ELAVL1: variants seen among roughly 807,000 people sequenced by gnomAD.
ELAVL1 encodes ELAV like RNA binding protein 1.
In ELAVL1, 1 loss-of-function variant was observed where a neutral mutation model predicts 28.4. The ratio of observed to expected loss-of-function variants is 0.04; its 90% CI spans 0.01 to 0.17. ELAVL1 has a LOEUF of 0.17. ELAVL1 is among the 10% of genes least tolerant of loss of function. The pLI, the probability that ELAVL1 is intolerant of heterozygous loss-of-function variation, is 1.00. For synonymous variants in ELAVL1, 174 were observed against 183.5 expected (o/e 0.95, Z 0.42); for missense variants, 157 against 447.2 (o/e 0.35, Z 5.85).
At chr19:7,983,408 C>A (rs1281897885) in intron 2 of ELAVL1, among the ~76,000 whole-genome samples, 3 of 152,182 alleles carry the variant, frequency 2.0e-5, no homozygotes. Flanking sequence ...CCCTTTGTGA[C>A]ACACTCAGCA....
At chr19:7,967,453 GCT>G in intron 5 of ELAVL1, 110 bp downstream of exon 5, 2 of 1,191,758 alleles carry the variant, frequency 1.7e-6, no homozygotes, top group Non-Finnish European at 2.3e-6. Flanking sequence ...TCTGAAACGC[GCT>G]CTCTGACGGG....
At chr19:7,992,682 A>C (rs780979349) in intron 1 of ELAVL1, among the ~76,000 whole-genome samples, 1 of 152,214 alleles carries the variant, frequency 6.6e-6, no homozygotes, top group Non-Finnish European at 1.5e-5. Flanking sequence ...GTGACAATAC[A>C]TGTTTGTCAA....
At chr19:7,995,219 C>G (rs1200953250) in intron 1 of ELAVL1, among the ~76,000 whole-genome samples, 1 of 152,216 alleles carries the variant, frequency 6.6e-6, no homozygotes. Context: ...AAACAGACCA[C>G]AAGGGTTAAC....
rs902858127 is a variant in ELAVL1, at chr19:7,967,771, C to T, written c.450G>A (p.Ala150=). 9.9e-6 allele frequency: 16 copies of T among 1,614,024 alleles called. No individual in the cohort carries two copies. Among genetic ancestry groups the T allele is most frequent in the Admixed American group, 3.3e-5 (2 of 60,004 alleles). The change falls in exon 5 of 6, where the codon GCG becomes GCA. Residue 150 remains alanine, a synonymous_variant. Coordinates refer to ENST00000407627, the MANE Select transcript of ELAVL1 (RefSeq NM_001419.3). ...DQTTGLSRGV[A]FIRFDKRSEA... ...CCGACCGTTTGTCAAACCGGATAAACGCAACCCCTCTGGACAAACCTTTTC... is the reference window on the plus strand; with the variant it reads ...CCGACCGTTTGTCAAACCGGATAAATGCAACCCCTCTGGACAAACCTTTTC...
Position 7,981,790 on chromosome 19 carries a change from G to C in ELAVL1, c.173-604C>G, listed in dbSNP as rs369344678. Among the ~76,000 whole-genome samples the C allele has an allele frequency of 6.6e-6, 1 of 152,196 alleles. No homozygotes were observed. Among genetic ancestry groups the C allele is most frequent in the Non-Finnish European group, 1.5e-5 (1 of 68,032 alleles). ...AAGACCAGTCCCGTGGGTGCCGGCCGCTCTGTGGGGCCTGGGTGGTGAGGA... is the reference window on the plus strand; with the variant it reads ...AAGACCAGTCCCGTGGGTGCCGGCCCCTCTGTGGGGCCTGGGTGGTGAGGA... On this transcript the variant is annotated intron_variant, in intron 2 of 5. Coordinates refer to ENST00000407627, the MANE Select transcript of ELAVL1 (RefSeq NM_001419.3). This position sits in a 1 kb window ranked among gnomAD's most constrained non-coding sequence, Gnocchi z 4.2.
chr19:7,981,135 T>C lies in ELAVL1; in HGVS notation c.224A>G (p.Glu75Gly), dbSNP rs1265243454. The C allele has an allele frequency of 1.2e-6, 2 of 1,614,142 alleles. No individual in the cohort carries two copies. Reference sequence around the variant, plus strand: ...GCCGTTCAGCGTGTTGATCGCTCTCTCTGCATCCTTCGCGGTCACGTAGTT... The same window carrying C: ...GCCGTTCAGCGTGTTGATCGCTCTCCCTGCATCCTTCGCGGTCACGTAGTT... ...FVNYVTAKDAERAINTLNGLR... is the reference protein window; with the variant it reads ...FVNYVTAKDAGRAINTLNGLR... Residue 75 changes from glutamate (E) to glycine (G), a missense_variant, in exon 3 of 6, where the codon GAG becomes GGG. Transcript: ENST00000407627. The surrounding 1 kb of genome is among the most constrained non-coding windows in gnomAD (Gnocchi z 4.2).
At chr19:8,001,632 A>AC (rs202140945) in intron 1 of ELAVL1, among the ~76,000 whole-genome samples, 211 of 142,620 alleles carry the variant, frequency 1.5e-3, no homozygotes, top group African/African-American at 3.7e-3. Flanking sequence ...CTCTTAAAAA[A>AC]AATTTTTTTT....
At chr19:7,988,198 T>C (rs528821201) in intron 2 of ELAVL1, among the ~76,000 whole-genome samples, 44 of 152,226 alleles carry the variant, frequency 2.9e-4, no homozygotes, top group Admixed American at 1.4e-3. Flanking sequence ...TGCCATCGGC[T>C]AAGGTGGGGA....
At chr19:7,991,303 G>T (rs1463034162) in intron 2 of ELAVL1, among the ~76,000 whole-genome samples, 19 of 152,148 alleles carry the variant, frequency 1.2e-4, no homozygotes, top group Admixed American at 1.2e-3. Context: ...CCACACGTGG[G>T]ACCCAATCAA....
chr19:7,981,268 C>T lies in ELAVL1; in HGVS notation c.173-82G>A. On this transcript the variant is annotated intron_variant, in intron 2 of 5. Transcript: ENST00000407627. The surrounding 1 kb of genome is among the most constrained non-coding windows in gnomAD (Gnocchi z 4.2). ...GGAGGTCGGGAAGCACTATATCTGCCTGGCCTTTGGGAAATGGGATTACAG... is the reference window on the plus strand; with the variant it reads ...GGAGGTCGGGAAGCACTATATCTGCTTGGCCTTTGGGAAATGGGATTACAG... 1 of 1,380,998 alleles carries T rather than the reference C, an allele frequency of 7.2e-7. No individual in the cohort carries two copies. The highest frequency in any genetic ancestry group is 1.0e-6 in the Non-Finnish European group (1 of 970,576). 85.5% of individuals were successfully genotyped at this position (1,380,998 alleles called of 1,614,324 possible).
chr19:7,963,299 T>C lies in ELAVL1; in HGVS notation c.*184A>G, dbSNP rs1984863157. 1.5e-6 allele frequency: 1 copy of C among 664,218 alleles called. No homozygotes were observed. The highest frequency in any genetic ancestry group is 2.5e-6 in the Non-Finnish European group (1 of 398,850). 41.1% of individuals were successfully genotyped at this position (664,218 alleles called of 1,614,324 possible). A position where few individuals can be genotyped will look rare whatever the true frequency, so the allele number is the denominator to read the frequency against. ...ACGAAACTTAAGATTGGTCTAACAT[T>C]GTGGGATTTCAAACATTTGAACATG... On this transcript the variant is annotated 3_prime_UTR_variant, in exon 6 of 6. Transcript: ENST00000407627. This position sits in a 1 kb window ranked among gnomAD's most constrained non-coding sequence, Gnocchi z 4.5.
chr19:7,991,943 T>TTTTG, intron 1 of ELAVL1, 112 bp from the exon 2 acceptor site: 1 of 1,044,122 alleles, frequency 9.6e-7, no homozygotes, highest in Non-Finnish European at 1.3e-6. Flanking sequence ...TTTTTTTTTT[T>TTTTG]TTTTGTTTTG....
chr19:8,000,630 A>G (rs1433140846), intron 1 of ELAVL1, among the ~76,000 whole-genome samples: 3 of 152,272 alleles, frequency 2.0e-5, no homozygotes, highest in African/African-American at 7.2e-5. Context: ...GGCTTAGGTC[A>G]TTCAGGAAAT....
intron 4 of ELAVL1, among the ~76,000 whole-genome samples, chr19:7,971,090 G>C (rs1985098251): frequency 6.6e-6 from 1 of 152,194 alleles, no homozygotes; most frequent in South Asian, 2.1e-4. Flanking sequence ...AGGTTCCTTA[G>C]GCCACCTTGA....
At chr19:7,998,809 TTTTTC>T (rs1225904919) in intron 1 of ELAVL1, among the ~76,000 whole-genome samples, 18 of 152,068 alleles carry the variant, frequency 1.2e-4, no homozygotes, top group Admixed American at 1.1e-3. Flanking sequence ...TTTTTACTTA[TTTTTC>T]TTTTGAGAAA....
chr19:7,991,369 G>C (rs1985748896), intron 2 of ELAVL1, among the ~76,000 whole-genome samples: 1 of 152,176 alleles, frequency 6.6e-6, no homozygotes, highest in Non-Finnish European at 1.5e-5. Context: ...CCAGCTCTCA[G>C]AATGCCCTGT....
At position 7,981,223 on chromosome 19, in the gene ELAVL1, C is replaced by T. The variant is rs374914332; in HGVS notation, c.173-37G>A. ...AACATGAAGACATTGGTAAGCCAAC[C>T]GTCTGCGAGTGAGGGACAGGGAGGT... is the stretch of plus-strand genomic sequence containing the variant. On this transcript the variant is annotated intron_variant, in intron 2 of 5. Coordinates refer to ENST00000407627, the MANE Select transcript of ELAVL1 (RefSeq NM_001419.3). The surrounding 1 kb of genome is among the most constrained non-coding windows in gnomAD (Gnocchi z 4.2). 776 of 1,608,454 alleles carry T rather than the reference C, an allele frequency of 4.8e-4. No homozygotes were observed. Among genetic ancestry groups the T allele is most frequent in the Non-Finnish European group, 6.2e-4 (726 of 1,175,006 alleles).
At position 7,962,236 on chromosome 19, in the gene ELAVL1, A is replaced by G. The variant is rs1195869030; in HGVS notation, c.*1247T>C. Reference sequence around the variant, plus strand: ...GGGCCACCTGCACCTTCCCTAGCCAAAAAGAAAGAAAAGGTAAAATAAAAA... The same window carrying G: ...GGGCCACCTGCACCTTCCCTAGCCAGAAAGAAAGAAAAGGTAAAATAAAAA... On this transcript the variant is annotated 3_prime_UTR_variant, in exon 6 of 6. Transcript: ENST00000407627. 1 of 153,768 alleles carries G rather than the reference A, an allele frequency of 6.5e-6. No homozygotes were observed. Among genetic ancestry groups the G allele is most frequent in the East Asian group, 1.9e-4 (1 of 5,204 alleles). 9.5% of individuals were successfully genotyped at this position (153,768 alleles called of 1,614,324 possible). A position where few individuals can be genotyped will look rare whatever the true frequency, so the allele number is the denominator to read the frequency against.
rs562529097 is a variant in ELAVL1 at position 7,964,818 on chromosome 19, A to G, written c.657-1011T>C. On this transcript the variant is annotated intron_variant, in intron 5 of 5. Transcript: ENST00000407627. ...ATGTTTCCCTCTGGAACTTTCTCAC[A>G]TTAAAAAAGTAAAGGTCTGAGGGTC... Among the ~76,000 whole-genome samples, 5 of 152,350 alleles carry G rather than the reference A, an allele frequency of 3.3e-5. No individual in the cohort carries two copies. The South Asian group carries it at 8.3e-4, about 25-fold the overall frequency.
Sources: gnomAD v4.1 joint callset for allele counts (sites outside exome capture counted in the v4.1 genomes callset) on GRCh38, gnomAD v4.1.1 for gene constraint, Gnocchi (gnomAD v3.1) non-coding constraint, MANE v1.5 for transcripts, NCBI Gene and HGNC (gene_info 2026-07-23, HGNC 2026-07-21) for gene names.